Variants in PTPRT observed in about 807,000 individuals in gnomAD.
PTPRT encodes receptor-type tyrosine-protein phosphatase T.
Under a neutral mutation model 176.8 loss-of-function variants are expected in PTPRT, and 56 were observed. The ratio of observed to expected loss-of-function variants is 0.32; its 90% CI spans 0.26 to 0.40. The LOEUF is 0.40. Ranked by LOEUF, PTPRT falls within the 10% of genes least tolerant of loss-of-function variation. The pLI is 1.00. For missense variants in PTPRT, 1,540 were observed against 1,908.2 expected (o/e 0.81, Z 3.60); for synonymous variants, 783 against 739.0 (o/e 1.06, Z -0.96).
At chr20:42,273,767 TC>T (rs546080526) in intron 13 of PTPRT, among the ~76,000 whole-genome samples, 93 of 152,384 alleles carry the variant, frequency 6.1e-4, no homozygotes, top group Non-Finnish European at 1.0e-3. Context: ...TACATACATT[TC>T]TAAATTTTAA....
chr20:42,437,484 T>A (rs1046096091), intron 9 of PTPRT, among the ~76,000 whole-genome samples: 1 of 152,134 alleles, frequency 6.6e-6, no homozygotes, highest in African/African-American at 2.4e-5. Flanking sequence ...AAAACGTGCA[T>A]AAAATAAAAC....
At chr20:42,197,281 AG>A (rs1235974778) in intron 16 of PTPRT, among the ~76,000 whole-genome samples, 3 of 146,234 alleles carry the variant, frequency 2.1e-5, no homozygotes, top group African/African-American at 7.5e-5. Flanking sequence ...TGGGAGGCTG[AG>A]GCAGGAGAAT....
At chr20:42,508,933 A>G (rs923902867) in intron 7 of PTPRT, among the ~76,000 whole-genome samples, 3 of 143,754 alleles carry the variant, frequency 2.1e-5, no homozygotes, top group Non-Finnish European at 3.0e-5. Context: ...AAATAATATA[A>G]TTTATAAATA....
At position 42,751,470 on chromosome 20, in the gene PTPRT, T is replaced by C. The variant is rs150188262; in HGVS notation, c.859+4992A>G. Among the ~76,000 whole-genome samples, 128 of 152,254 alleles carry C rather than the reference T, an allele frequency of 8.4e-4. 1 individual carries two copies. The East Asian group carries it at 0.019, about 23-fold the overall frequency. On this transcript the variant is annotated intron_variant, in intron 6 of 30. Coordinates refer to ENST00000373187, the MANE Select transcript of PTPRT (RefSeq NM_007050.6). ...TGATGGTTAATATTAAGTGTTAACT[T>C]GGTTGAAATGAAGGATGCAAAGTAT...
intron 1 of PTPRT, among the ~76,000 whole-genome samples, chr20:42,979,524 C>A (rs1017637960): frequency 6.6e-6 from 1 of 151,946 alleles, no homozygotes; most frequent in African/African-American, 2.4e-5. Context: ...TGTGCTGATT[C>A]TTATTTCAGA....
At chr20:42,784,228 A>C (rs1273540034) in intron 3 of PTPRT, among the ~76,000 whole-genome samples, 5 of 152,170 alleles carry the variant, frequency 3.3e-5, no homozygotes, top group Non-Finnish European at 5.9e-5. Flanking sequence ...GTTTTTGTTC[A>C]TACTTGGAGG....
intron 1 of PTPRT, among the ~76,000 whole-genome samples, chr20:43,005,570 T>C (rs1412547633): frequency 6.6e-6 from 1 of 152,154 alleles, no homozygotes; most frequent in Non-Finnish European, 1.5e-5. Flanking sequence ...AGGAGAGAAT[T>C]GGCCATACTT....
At chr20:43,094,258 T>C (rs1416600412) in intron 1 of PTPRT, among the ~76,000 whole-genome samples, 1 of 150,604 alleles carries the variant, frequency 6.6e-6, no homozygotes, top group Non-Finnish European at 1.5e-5. Context: ...CAGCTAATTT[T>C]TGTTTTTTTA....
intron 7 of PTPRT, among the ~76,000 whole-genome samples, chr20:42,527,802 T>C (rs939248969): frequency 1.7e-4 from 26 of 152,240 alleles, no homozygotes; most frequent in African/African-American, 5.8e-4. Context: ...TTGTAAGTGG[T>C]ATTTGGCAAC....
At chr20:42,405,650 CAT>C (rs1161392882) in intron 9 of PTPRT, among the ~76,000 whole-genome samples, 1 of 152,164 alleles carries the variant, frequency 6.6e-6, no homozygotes, top group Non-Finnish European at 1.5e-5. Flanking sequence ...CCGCAATAAA[CAT>C]ATGTGTGCAT....
At chr20:42,432,603 A>G (rs2059225149) in intron 9 of PTPRT, among the ~76,000 whole-genome samples, 1 of 152,218 alleles carries the variant, frequency 6.6e-6, no homozygotes, top group South Asian at 2.1e-4. Context: ...ATACAAAACC[A>G]AATTATGAAC....
chr20:42,357,980 C>A (rs1019026941), intron 9 of PTPRT, among the ~76,000 whole-genome samples: 1 of 151,698 alleles, frequency 6.6e-6, no homozygotes, highest in Non-Finnish European at 1.5e-5. Context: ...CAAAGAAAGA[C>A]CAAGAAATGG....
chr20:43,126,461 G>A (rs997184551), intron 1 of PTPRT, among the ~76,000 whole-genome samples: 6 of 152,182 alleles, frequency 3.9e-5, no homozygotes, highest in Non-Finnish European at 5.9e-5. Context: ...CTTGTAAAAT[G>A]CACTTGCCCA....
chr20:43,115,790 T>A (rs2013037952), intron 1 of PTPRT, among the ~76,000 whole-genome samples: 1 of 151,672 alleles, frequency 6.6e-6, no homozygotes, highest in Non-Finnish European at 1.5e-5. Flanking sequence ...TTACAAGCAG[T>A]TGAATAGCCC....
rs1164667787 is a variant in PTPRT, at chr20:42,696,224, CT to C, written c.860-18066del. ...TCTTTCTCCTTCTTCTCACTTTCCC[CT>C]GATCTCTTTTTTCCTCTATTTCTCT... On this transcript the variant is annotated intron_variant, in intron 6 of 30. Transcript: ENST00000373187. Among the ~76,000 whole-genome samples, 5 of 150,964 alleles carry C rather than the reference CT, an allele frequency of 3.3e-5. No homozygotes were observed. In the South Asian group the frequency reaches 8.4e-4, roughly 25 times the overall value.
At chr20:42,844,627 C>T (rs752876167) in intron 2 of PTPRT, among the ~76,000 whole-genome samples, 2 of 152,288 alleles carry the variant, frequency 1.3e-5, no homozygotes, top group East Asian at 1.9e-4. Context: ...CTCCCCATGA[C>T]TTCCCCCACA....
chr20:42,851,997 T>C (rs2078480628), intron 2 of PTPRT, among the ~76,000 whole-genome samples: 2 of 152,230 alleles, frequency 1.3e-5, no homozygotes, highest in South Asian at 4.1e-4. Flanking sequence ...ACAAATCATT[T>C]TCATTATCTT....
chr20:43,098,505 A>G (rs909501715), intron 1 of PTPRT, among the ~76,000 whole-genome samples: 3 of 151,760 alleles, frequency 2.0e-5, no homozygotes, highest in Non-Finnish European at 4.4e-5. Context: ...GCGCTCCCTC[A>G]TAAGCCAGCC....
chr20:42,475,755 C>T (rs1223605839), intron 7 of PTPRT, among the ~76,000 whole-genome samples: 3 of 152,162 alleles, frequency 2.0e-5, no homozygotes, highest in Non-Finnish European at 4.4e-5. Context: ...CTCCATTCTC[C>T]CTGGAGCTCA....
Sources: gnomAD v4.1 joint callset for allele counts (sites outside exome capture counted in the v4.1 genomes callset) on GRCh38, gnomAD v4.1.1 for gene constraint, MANE v1.5 for transcripts, NCBI Gene and HGNC (gene_info 2026-07-23, HGNC 2026-07-21) for gene names.